Variants in C10orf67 observed in about 807,000 individuals in gnomAD.
C10orf67 encodes uncharacterized protein C10orf67, mitochondrial.
A neutral mutation model predicts 35.6 loss-of-function variants in C10orf67; 60 were observed. That is an observed-to-expected ratio of 1.68 (90% CI 1.37 to 2.09). The LOEUF is 2.09. C10orf67 is among the 30% of genes most tolerant of loss of function. The probability of loss-of-function intolerance (pLI) is 0.00; values close to 1 mark genes in which losing one functional copy is unlikely to be tolerated. For missense variants in C10orf67, 474 were observed against 330.2 expected, an observed-to-expected ratio of 1.44 and a Z score of -3.38; for synonymous variants, 167 against 115.8, an observed-to-expected ratio of 1.44 and a Z score of -2.84.
At chr10:23,265,343 A>T (rs1457390341) in intron 10 of C10orf67, among the ~76,000 whole-genome samples, 1 of 152,014 alleles carries the variant, frequency 6.6e-6, no homozygotes, top group East Asian at 1.9e-4. Flanking sequence ...ATTCTGTTCC[A>T]CTCCTCCATG....
intron 4 of C10orf67, among the ~76,000 whole-genome samples, chr10:23,306,243 A>G (rs1468568266): frequency 6.6e-6 from 1 of 152,172 alleles, no homozygotes; most frequent in African/African-American, 2.4e-5. Context: ...GGTGGTTGAC[A>G]GGCTGGGCGC....
In C10orf67 at chr10:23,344,636, C is replaced by T. The variant is rs534353994; in HGVS notation, c.139G>A (p.Val47Ile). ...TCTCGCTTCCTACGCGCGCAGCAGACCCGCAGCTCGGTGGCCTTGGCTTTC... is the reference window on the plus strand; with the variant it reads ...TCTCGCTTCCTACGCGCGCAGCAGATCCGCAGCTCGGTGGCCTTGGCTTTC... ...AMKAKATELR[V>I]CCARRKREAR... Residue 47 changes from valine to isoleucine, a missense_variant, in exon 1 of 16, where the codon GTC becomes ATC. Transcript: ENST00000636213. 1.1e-5 allele frequency: 17 copies of T among 1,584,274 alleles called. No individual in the cohort carries two copies. The African/African-American group carries it at 2.3e-4, about 21-fold the overall frequency.
intron 2 of C10orf67, among the ~76,000 whole-genome samples, chr10:23,323,763 T>A (rs1290210597): frequency 6.7e-6 from 1 of 148,998 alleles, no homozygotes; most frequent in Non-Finnish European, 1.5e-5. Context: ...ATACAAAAAA[T>A]TAGCCAAGTG....
At chr10:23,343,597 G>A (rs1403882961) in intron 1 of C10orf67, among the ~76,000 whole-genome samples, 1 of 152,146 alleles carries the variant, frequency 6.6e-6, no homozygotes, top group Non-Finnish European at 1.5e-5. Context: ...CATCATTCAT[G>A]AACGATTATT....
intron 2 of C10orf67, among the ~76,000 whole-genome samples, chr10:23,324,824 G>A (rs763493932): frequency 3.3e-5 from 5 of 152,150 alleles, no homozygotes; most frequent in Non-Finnish European, 5.9e-5. Flanking sequence ...CATTCCCCTT[G>A]CAAAATCTGC....
intron 1 of C10orf67, among the ~76,000 whole-genome samples, chr10:23,342,806 G>T (rs1193385813): frequency 1.3e-5 from 2 of 152,220 alleles, no homozygotes; most frequent in African/African-American, 4.8e-5. Context: ...CAGGAGCATT[G>T]CCTCACTGGG....
Position 23,239,809 on chromosome 10 carries a change from C to A in C10orf67, c.1354G>T (p.Val452Phe). Reference sequence around the variant, plus strand: ...CTTGTAAACATCTCATTCTTAAGGACATGAAAGCTGAAATTTTAAAAATGA... The same window carrying A: ...CTTGTAAACATCTCATTCTTAAGGAAATGAAAGCTGAAATTTTAAAAATGA... ...RFFILRNSFH[V>F]LKNEMFTRHT... The change falls in exon 13 of 16, where the codon GTC becomes TTC. Residue 452 changes from valine to phenylalanine, a missense_variant. Transcript: ENST00000636213. 1.6e-6 allele frequency: 1 copy of A among 612,194 alleles called. No homozygotes were observed. The highest frequency in any genetic ancestry group is 3.2e-6 in the Non-Finnish European group (1 of 313,028). 37.9% of individuals were successfully genotyped at this position (612,194 alleles called of 1,614,324 possible). A position where few individuals can be genotyped will look rare whatever the true frequency, so the allele number is the denominator to read the frequency against.
intron 15 of C10orf67, among the ~76,000 whole-genome samples, chr10:23,208,634 T>G (rs1841222116): frequency 6.6e-6 from 1 of 152,130 alleles, no homozygotes; most frequent in African/African-American, 2.4e-5. Context: ...TTGCTTAGGT[T>G]TTCATAAAGT....
chr10:23,273,002 A>G (rs1843072565), intron 8 of C10orf67, among the ~76,000 whole-genome samples: 1 of 152,194 alleles, frequency 6.6e-6, no homozygotes, highest in East Asian at 1.9e-4. Context: ...CATTGCTTAT[A>G]TATAGAAGTA....
At chr10:23,343,857 G>A (rs1310142489) in intron 1 of C10orf67, 2 of 458,492 alleles carry the variant, frequency 4.4e-6, no homozygotes, top group East Asian at 7.4e-5. Flanking sequence ...GGGCCGGGGC[G>A]CGAGGGCTCC....
chr10:23,234,847 T>C (rs1162993191), intron 13 of C10orf67, among the ~76,000 whole-genome samples: 2 of 151,956 alleles, frequency 1.3e-5, no homozygotes, highest in East Asian at 3.9e-4. Context: ...ACCCTGTCTC[T>C]ACTAAAAATA....
chr10:23,255,794 C>A (rs558041032), intron 10 of C10orf67, among the ~76,000 whole-genome samples: 1 of 152,036 alleles, frequency 6.6e-6, no homozygotes, highest in African/African-American at 2.4e-5. Flanking sequence ...GAAATACATA[C>A]AGCACATATA....
chr10:23,343,826 G>A (rs879343154), intron 1 of C10orf67: 2 of 424,314 alleles, frequency 4.7e-6, no homozygotes, highest in Admixed American at 5.5e-5. Flanking sequence ...GGAGCAAGGG[G>A]CCTGGAAAGG....
At chr10:23,314,483 A>AACAC (rs56043614) in intron 4 of C10orf67, among the ~76,000 whole-genome samples, 3,327 of 135,752 alleles carry the variant, frequency 0.025, 64 homozygotes, top group Admixed American at 0.052. Flanking sequence ...ATTAAGTTAA[A>AACAC]ACACACACAC....
intron 15 of C10orf67, among the ~76,000 whole-genome samples, chr10:23,216,227 T>C (rs150275366): frequency 6.6e-5 from 10 of 152,264 alleles, no homozygotes; most frequent in African/African-American, 2.4e-4. Flanking sequence ...AAGCAATTCA[T>C]AGAAGAGGAA....
intron 9 of C10orf67, among the ~76,000 whole-genome samples, chr10:23,266,648 T>G (rs1193521734): frequency 6.6e-6 from 1 of 151,966 alleles, no homozygotes; most frequent in Non-Finnish European, 1.5e-5. Flanking sequence ...TTAATCCTCA[T>G]GTCCTAAGAA....
intron 5 of C10orf67, among the ~76,000 whole-genome samples, chr10:23,294,438 C>T (rs1472932238): frequency 6.6e-6 from 1 of 152,122 alleles, no homozygotes; most frequent in Non-Finnish European, 1.5e-5. Context: ...GACATAAAGG[C>T]TAACCTCCTT....
intron 1 of C10orf67, among the ~76,000 whole-genome samples, chr10:23,336,453 C>T (rs1845685134): frequency 6.6e-6 from 1 of 152,158 alleles, no homozygotes; most frequent in Admixed American, 6.5e-5. Context: ...AAGAATGGCA[C>T]TCCAGTAGTG....
chr10:23,216,611 C>A (rs1841438101), intron 15 of C10orf67, among the ~76,000 whole-genome samples: 1 of 151,958 alleles, frequency 6.6e-6, no homozygotes, highest in Non-Finnish European at 1.5e-5. Context: ...GTAGAATATT[C>A]ATATTATACA....
Sources: allele counts gnomAD v4.1 joint callset (sites outside exome capture counted in the v4.1 genomes callset), GRCh38; gene constraint gnomAD v4.1.1; transcripts MANE v1.5; gene names NCBI Gene and HGNC (gene_info 2026-07-23, HGNC 2026-07-21).